TAFA1: variants seen among roughly 807,000 people sequenced by gnomAD.
TAFA1 encodes chemokine-like protein TAFA-1.
Under a neutral mutation model 18.5 loss-of-function variants are expected in TAFA1, and 4 were observed. The ratio of observed to expected loss-of-function variants is 0.22; its 90% CI spans 0.11 to 0.49. The LOEUF is 0.49. Among genes scored for constraint, TAFA1 ranks in the 20% least tolerant of loss-of-function variants. The probability of loss-of-function intolerance (pLI) is 0.98; values close to 1 mark genes in which losing one functional copy is unlikely to be tolerated. For synonymous variants in TAFA1, 56 were observed against 55.2 expected (o/e 1.01, Z -0.06); for missense variants, 147 against 169.0 (o/e 0.87, Z 0.72).
chr3:68,236,199 C>T (rs2066925398), intron 2 of TAFA1, among the ~76,000 whole-genome samples: 2 of 152,118 alleles, frequency 1.3e-5, no homozygotes, highest in South Asian at 2.1e-4. Flanking sequence ...AAGGGCCACT[C>T]ATAATAAAGG....
chr3:68,062,991 G>A (rs1010098950), intron 2 of TAFA1, among the ~76,000 whole-genome samples: 2 of 152,148 alleles, frequency 1.3e-5, no homozygotes, highest in African/African-American at 4.8e-5. Context: ...AATGCCCACA[G>A]GGGCCAGACA....
intron 2 of TAFA1, among the ~76,000 whole-genome samples, chr3:68,174,506 G>C (rs2066099199): frequency 6.6e-6 from 1 of 152,206 alleles, no homozygotes; most frequent in Non-Finnish European, 1.5e-5. Flanking sequence ...AACTTGTTGG[G>C]AACTGGAGCA....
intron 2 of TAFA1, among the ~76,000 whole-genome samples, chr3:68,406,315 C>T (rs2070607479): frequency 6.6e-6 from 1 of 152,088 alleles, no homozygotes; most frequent in Non-Finnish European, 1.5e-5. Context: ...GCCTAATCAA[C>T]TATTGCCTAG....
intron 3 of TAFA1, among the ~76,000 whole-genome samples, chr3:68,422,241 T>G (rs567439753): frequency 6.6e-6 from 1 of 152,134 alleles, no homozygotes; most frequent in African/African-American, 2.4e-5. Context: ...GCTATATGGG[T>G]TTTTCAGAGG....
chr3:68,273,460 C>T (rs949895494), intron 2 of TAFA1, among the ~76,000 whole-genome samples: 5 of 152,112 alleles, frequency 3.3e-5, no homozygotes, highest in Non-Finnish European at 7.3e-5. Context: ...CCTCATAACC[C>T]CATATGCTTT....
intron 2 of TAFA1, among the ~76,000 whole-genome samples, chr3:68,160,897 A>G (rs1170516891): frequency 1.3e-5 from 2 of 152,130 alleles, no homozygotes; most frequent in African/African-American, 4.8e-5. Flanking sequence ...CTGACCATAC[A>G]CTCAATGGAT....
At chr3:68,535,341 T>C (rs2106783052) in intron 3 of TAFA1, among the ~76,000 whole-genome samples, 1 of 152,164 alleles carries the variant, frequency 6.6e-6, no homozygotes. Context: ...CTTCCTTTAC[T>C]TCCTTTACTT....
chr3:68,497,721 T>A (rs921990090), intron 3 of TAFA1, among the ~76,000 whole-genome samples: 2 of 152,318 alleles, frequency 1.3e-5, no homozygotes, highest in Middle Eastern at 3.4e-3. Flanking sequence ...GATCCTGACT[T>A]TATCCTATTT....
intron 2 of TAFA1, among the ~76,000 whole-genome samples, chr3:68,378,839 A>C (rs943100149): frequency 6.6e-6 from 1 of 151,972 alleles, no homozygotes; most frequent in South Asian, 2.1e-4. Flanking sequence ...CCTCTTTCAC[A>C]CACTCCTCTC....
chr3:68,414,174 G>C (rs1308458435), intron 2 of TAFA1, among the ~76,000 whole-genome samples: 1 of 152,130 alleles, frequency 6.6e-6, no homozygotes, highest in Non-Finnish European at 1.5e-5. Flanking sequence ...GGGCATGGTG[G>C]TGCATGCCTG....
rs1053097818 is a variant in TAFA1, at chr3:68,440,487, G to T, written c.259+23067G>T. Among the ~76,000 whole-genome samples, 3 of 152,068 alleles carry T rather than the reference G, an allele frequency of 2.0e-5. No homozygotes were observed. The East Asian group carries it at 6.0e-4, about 30-fold the overall frequency. Reference sequence around the variant, plus strand: ...TGCACAAACATGTTTTTAACAAAAGGAGGAGGAAATATGACAATTACAGCC... The same window carrying T: ...TGCACAAACATGTTTTTAACAAAAGTAGGAGGAAATATGACAATTACAGCC... On this transcript the variant is annotated intron_variant, in intron 3 of 4. Coordinates refer to ENST00000478136, the MANE Select transcript of TAFA1 (RefSeq NM_213609.4).
intron 2 of TAFA1, among the ~76,000 whole-genome samples, chr3:68,093,047 T>G (rs1254713851): frequency 6.6e-6 from 1 of 152,196 alleles, no homozygotes; most frequent in African/African-American, 2.4e-5. Flanking sequence ...ACTTTATGTA[T>G]GTTTATTTCC....
chr3:68,283,875 A>G (rs2067947870), intron 2 of TAFA1, among the ~76,000 whole-genome samples: 1 of 152,186 alleles, frequency 6.6e-6, no homozygotes, highest in Admixed American at 6.5e-5. Flanking sequence ...TGATTAGTTG[A>G]ATCCTCCTGG....
At chr3:68,504,528 C>T (rs1447076698) in intron 3 of TAFA1, among the ~76,000 whole-genome samples, 2 of 152,122 alleles carry the variant, frequency 1.3e-5, no homozygotes, top group Non-Finnish European at 2.9e-5. Flanking sequence ...ATTAGTTTCA[C>T]CTGGTCCACA....
At chr3:68,163,581 A>G (rs542543867) in intron 2 of TAFA1, among the ~76,000 whole-genome samples, 1 of 152,310 alleles carries the variant, frequency 6.6e-6, no homozygotes, top group African/African-American at 2.4e-5. Context: ...ATGCTCCCAT[A>G]GTCTTTTATA....
At chr3:68,079,977 C>T (rs2064876087) in intron 2 of TAFA1, among the ~76,000 whole-genome samples, 1 of 151,808 alleles carries the variant, frequency 6.6e-6, no homozygotes, top group African/African-American at 2.4e-5. Flanking sequence ...TCAGGACTTG[C>T]TTTATGAATC....
At chr3:68,201,179 G>T (rs1185210715) in intron 2 of TAFA1, among the ~76,000 whole-genome samples, 2 of 151,408 alleles carry the variant, frequency 1.3e-5, no homozygotes, top group Non-Finnish European at 3.0e-5. Context: ...CATGTATTTT[G>T]GGATTTTCTA....
chr3:68,354,532 A>T (rs532438354), intron 2 of TAFA1, among the ~76,000 whole-genome samples: 2 of 152,162 alleles, frequency 1.3e-5, no homozygotes, highest in East Asian at 3.9e-4. Context: ...CAGTGAAGAG[A>T]ATATGAAACA....
intron 2 of TAFA1, among the ~76,000 whole-genome samples, chr3:68,329,199 C>T (rs1575781094): frequency 7.1e-6 from 1 of 140,018 alleles, no homozygotes; most frequent in South Asian, 2.4e-4. Flanking sequence ...CAGGTGTGCA[C>T]AACCATGCCT....
Sources: allele counts gnomAD v4.1 joint callset (sites outside exome capture counted in the v4.1 genomes callset), GRCh38; gene constraint gnomAD v4.1.1; transcripts MANE v1.5; gene names NCBI Gene and HGNC (gene_info 2026-07-23, HGNC 2026-07-21).